The following CCDC178 variants were observed in gnomAD, a reference collection of about 807,000 sequenced individuals.
CCDC178 encodes coiled-coil domain containing 178, also known as coiled-coil domain-containing protein 178.
A neutral mutation model predicts 117.4 loss-of-function variants in CCDC178; 126 were observed. The observed-to-expected ratio is 1.07, with a 90% confidence interval of 0.93 to 1.24. CCDC178 has a LOEUF of 1.24. Ranked by LOEUF, CCDC178 falls within the 50% of genes most tolerant of loss-of-function variation. CCDC178 has a pLI of 0.00. For synonymous variants in CCDC178, 283 were observed against 313.4 expected, an observed-to-expected ratio of 0.90 and a Z score of 1.02; for missense variants, 1,030 against 986.9, an observed-to-expected ratio of 1.04 and a Z score of -0.59.
rs1598944102 is a variant in CCDC178 at position 33,158,759 on chromosome 18, A to G, written c.2238+53137T>C. On this transcript the variant is annotated intron_variant, in intron 20 of 22. Transcript: ENST00000383096. ...ATGTTATTTTTTGTATGTTATGACAAGCCAATTTTCTCTACACTAAAGTGT... is the reference window on the plus strand; with the variant it reads ...ATGTTATTTTTTGTATGTTATGACAGGCCAATTTTCTCTACACTAAAGTGT... Among the ~76,000 whole-genome samples the G allele has an allele frequency of 2.0e-5, 3 of 152,236 alleles. No individual in the cohort carries two copies. The East Asian group carries it at 5.8e-4, about 29-fold the overall frequency.
At chr18:33,088,172 T>G (rs1342608293) in intron 21 of CCDC178, among the ~76,000 whole-genome samples, 1 of 151,462 alleles carries the variant, frequency 6.6e-6, no homozygotes, top group Non-Finnish European at 1.5e-5. Flanking sequence ...GTGGCACATT[T>G]CTATGTCTTC....
At chr18:33,205,559 A>T (rs1336357614) in intron 20 of CCDC178, among the ~76,000 whole-genome samples, 3 of 152,236 alleles carry the variant, frequency 2.0e-5, no homozygotes, top group African/African-American at 7.2e-5. Flanking sequence ...TCAACACACC[A>T]TGAATAGTCT....
At chr18:33,165,196 CA>C (rs368725334) in intron 20 of CCDC178, among the ~76,000 whole-genome samples, 5 of 149,920 alleles carry the variant, frequency 3.3e-5, no homozygotes, top group South Asian at 2.1e-4. Flanking sequence ...AAAACAAAGA[CA>C]AAAAAAAACA....
In CCDC178 at chr18:33,068,828, G is replaced by C. The variant is rs923353316; in HGVS notation, c.2388+23933C>G. Among the ~76,000 whole-genome samples, 12 of 152,014 alleles carry C rather than the reference G, an allele frequency of 7.9e-5. 1 individual carries two copies. The South Asian group carries it at 1.9e-3, about 24-fold the overall frequency. On this transcript the variant is annotated intron_variant, in intron 21 of 22. Coordinates refer to ENST00000383096, the MANE Select transcript of CCDC178 (RefSeq NM_001105528.4). ...CTGGATGTCCTAGCCAGAGCAATCAGGCAACATAAATAAATAAAAGGCATC... is the reference window on the plus strand; with the variant it reads ...CTGGATGTCCTAGCCAGAGCAATCACGCAACATAAATAAATAAAAGGCATC...
Position 33,185,326 on chromosome 18 carries a change from G to A in CCDC178, c.2238+26570C>T, listed in dbSNP as rs997693100. The stretch of plus-strand genomic sequence containing the variant: ...GGAAAGTCTTGTTTTAAAGAAAAAG[G>A]AAAACACCTTCCATGAAAAAATGAA... On this transcript the variant is annotated intron_variant, in intron 20 of 22. Transcript: ENST00000383096. Among the ~76,000 whole-genome samples the A allele has an allele frequency of 3.9e-5, 6 of 152,092 alleles. No individual in the cohort carries two copies. In the East Asian group the frequency reaches 1.2e-3, roughly 29 times the overall value.
At chr18:32,989,579 TAA>T (rs2055344754) in intron 21 of CCDC178, among the ~76,000 whole-genome samples, 1 of 152,186 alleles carries the variant, frequency 6.6e-6, no homozygotes, top group Admixed American at 6.5e-5. Flanking sequence ...AGAAGAGATG[TAA>T]ACAAATGACT....
At chr18:33,245,084 C>A (rs1398132074) in intron 15 of CCDC178, among the ~76,000 whole-genome samples, 161 bp downstream of exon 15, 2 of 151,850 alleles carry the variant, frequency 1.3e-5, no homozygotes, top group Non-Finnish European at 2.9e-5. Flanking sequence ...TCAAGCTGAG[C>A]CTTTGGAGAG....
At chr18:33,310,984 G>A (rs1228937001) in intron 11 of CCDC178, among the ~76,000 whole-genome samples, 1 of 151,896 alleles carries the variant, frequency 6.6e-6, no homozygotes, top group Non-Finnish European at 1.5e-5. Context: ...AAAAAGAGGT[G>A]GGTACTCTAT....
chr18:32,993,635 G>C (rs2055440444), intron 21 of CCDC178, among the ~76,000 whole-genome samples: 1 of 152,132 alleles, frequency 6.6e-6, no homozygotes, highest in Admixed American at 6.6e-5. Context: ...CCTTGAATGT[G>C]ATCTTTTATC....
In CCDC178 at chr18:33,061,076, A is replaced by G. The variant is rs528780397; in HGVS notation, c.2388+31685T>C. On this transcript the variant is annotated intron_variant, in intron 21 of 22. Transcript: ENST00000383096. The stretch of plus-strand genomic sequence containing the variant: ...AGCAAGTTTTCCAATCAATTAAAAC[A>G]TTAAAATACATCAACTTTTGTTATC... 9.9e-5 allele frequency among the ~76,000 whole-genome samples: 15 copies of G among 152,234 alleles called. 1 individual carries two copies. The East Asian group carries it at 2.9e-3, about 29-fold the overall frequency.
At chr18:33,088,554 T>C (rs999275472) in intron 21 of CCDC178, among the ~76,000 whole-genome samples, 1 of 152,160 alleles carries the variant, frequency 6.6e-6, no homozygotes, top group Non-Finnish European at 1.5e-5. Context: ...AATGGCATTG[T>C]GTTTTAAATT....
chr18:33,028,969 T>G (rs2056282351), intron 21 of CCDC178, among the ~76,000 whole-genome samples: 2 of 151,906 alleles, frequency 1.3e-5, no homozygotes, highest in Admixed American at 1.3e-4. Flanking sequence ...AAGTTATTGG[T>G]CTGTAGTTTT....
chr18:33,168,648 A>T (rs1401004087), intron 20 of CCDC178, among the ~76,000 whole-genome samples: 1 of 152,226 alleles, frequency 6.6e-6, no homozygotes, highest in Non-Finnish European at 1.5e-5. Context: ...ATGAGTTAGG[A>T]ATACAACTAC....
chr18:33,148,393 C>T (rs569526473), intron 20 of CCDC178, among the ~76,000 whole-genome samples: 4 of 151,578 alleles, frequency 2.6e-5, no homozygotes, highest in Non-Finnish European at 5.9e-5. Flanking sequence ...AGCTTCGGCT[C>T]GGCATCAGAG....
intron 20 of CCDC178, among the ~76,000 whole-genome samples, chr18:33,152,052 A>G (rs946482588): frequency 6.6e-6 from 1 of 152,214 alleles, no homozygotes; most frequent in East Asian, 1.9e-4. Flanking sequence ...TTGAAAATAG[A>G]TGCAGGCCAA....
At chr18:32,965,321 T>C (rs529841504) in intron 22 of CCDC178, among the ~76,000 whole-genome samples, 1 of 152,046 alleles carries the variant, frequency 6.6e-6, no homozygotes, top group South Asian at 2.1e-4. Flanking sequence ...TATAGACTAC[T>C]GAAATAAAGA....
At chr18:33,174,856 GTAT>G in intron 20 of CCDC178, among the ~76,000 whole-genome samples, 1 of 151,158 alleles carries the variant, frequency 6.6e-6, no homozygotes, top group Non-Finnish European at 1.5e-5. Context: ...TTTCATATTA[GTAT>G]TATTATTATT....
intron 21 of CCDC178, among the ~76,000 whole-genome samples, chr18:32,990,393 G>A (rs750783476): frequency 1.2e-4 from 19 of 152,202 alleles, no homozygotes; most frequent in South Asian, 1.0e-3. Flanking sequence ...GTATGTTTTG[G>A]TATAAGAATA....
At chr18:33,022,991 G>C (rs1186951975) in intron 21 of CCDC178, among the ~76,000 whole-genome samples, 1 of 151,940 alleles carries the variant, frequency 6.6e-6, no homozygotes, top group African/African-American at 2.4e-5. Context: ...GACATGGAGG[G>C]ACATTATATA....
Sources: allele counts gnomAD v4.1 joint callset (sites outside exome capture counted in the v4.1 genomes callset), GRCh38; gene constraint gnomAD v4.1.1; transcripts MANE v1.5; gene names NCBI Gene and HGNC (gene_info 2026-07-23, HGNC 2026-07-21).